KIAA0408: variants seen among roughly 807,000 people sequenced by gnomAD.
The protein encoded by KIAA0408 is uncharacterized protein KIAA0408.
A neutral mutation model predicts 60.9 loss-of-function variants in KIAA0408; 51 were observed. The ratio of observed to expected loss-of-function variants is 0.84; its 90% CI spans 0.67 to 1.06. KIAA0408 has a LOEUF of 1.06. Among genes scored for constraint, KIAA0408 ranks in the 50% least tolerant of loss-of-function variants. The pLI, the probability that KIAA0408 is intolerant of heterozygous loss-of-function variation, is 0.00. For missense variants in KIAA0408, 787 were observed against 833.9 expected (o/e 0.94, Z 0.69); for synonymous variants, 304 against 282.4 (o/e 1.08, Z -0.77).
At chr6:127,454,257 A>G (rs1266748251) in intron 1 of KIAA0408, 156 bp from the exon 2 acceptor site, 2 of 651,862 alleles carry the variant, frequency 3.1e-6, no homozygotes, top group East Asian at 6.3e-5. Flanking sequence ...AGAAACTAAC[A>G]CAGTCAATAA....
chr6:127,448,583 C>T (rs1402094672), intron 4 of KIAA0408, among the ~76,000 whole-genome samples: 1 of 143,480 alleles, frequency 7.0e-6, no homozygotes, highest in Non-Finnish European at 1.6e-5. Context: ...CTAAATATCG[C>T]AATTCAAACT....
At position 127,442,657 on chromosome 6, in the gene KIAA0408, G is replaced by A. The variant is rs1773124412; in HGVS notation, c.*1452C>T. 1 of 152,086 alleles carries A rather than the reference G, an allele frequency of 6.6e-6. No homozygotes were observed. The highest frequency in any genetic ancestry group is 1.9e-4 in the East Asian group (1 of 5,194). The allele number at this position is 152,086 out of a possible 1,614,324, so 9.4% of individuals were successfully genotyped here. On this transcript the variant is annotated 3_prime_UTR_variant, in exon 6 of 6. Coordinates refer to ENST00000483725, the MANE Select transcript of KIAA0408 (RefSeq NM_014702.5). ...TTTGAAAATTATTTTCTTTACCTCAGGTCATGGGGTACAATGAAGTGAATT... is the reference window on the plus strand; with the variant it reads ...TTTGAAAATTATTTTCTTTACCTCAAGTCATGGGGTACAATGAAGTGAATT...
At position 127,447,623 on chromosome 6, in the gene KIAA0408, C is replaced by G. The variant is rs1040819964; in HGVS notation, c.696G>C (p.Gln232His). The change falls in exon 5 of 6, where the codon CAG (glutamine) becomes CAC (histidine). Residue 232 changes from glutamine (Q) to histidine (H), a missense_variant. By Grantham distance (24) the Gln-to-His change is conservative. Around this residue, in one of 3 missense-constraint regions of KIAA0408, gnomAD observed 640 missense variants for 681.3 expected, o/e 0.94. Transcript: ENST00000483725. Reference sequence around the variant, plus strand: ...TACAGCTCAGATTCTTCCTGTTTTTCTGTTTTTCTTTTTCTAAACTGATTG... The same window carrying G: ...TACAGCTCAGATTCTTCCTGTTTTTGTGTTTTTCTTTTTCTAAACTGATTG... ...ILPISLEKEK[Q>H]KNRKNLSCTN... The G allele has an allele frequency of 1.9e-6, 3 of 1,612,530 alleles. No individual in the cohort carries two copies. The highest frequency in any genetic ancestry group is 1.7e-6 in the Non-Finnish European group (2 of 1,179,602).
Position 127,439,983 on chromosome 6 carries a change from G to A in KIAA0408, c.*4126C>T, listed in dbSNP as rs986395509. The A allele has an allele frequency of 6.6e-6, 1 of 152,252 alleles. No individual in the cohort carries two copies. The highest frequency in any genetic ancestry group is 2.1e-4 in the South Asian group (1 of 4,824). The allele number at this position is 152,252 out of a possible 1,614,324, so 9.4% of individuals were successfully genotyped here. ...TCCCACCTCTAAATGAACTTGTTCTGAGTTCATAGGTCCCTCAAAATCTAA... is the reference window on the plus strand; with the variant it reads ...TCCCACCTCTAAATGAACTTGTTCTAAGTTCATAGGTCCCTCAAAATCTAA... On this transcript the variant is annotated 3_prime_UTR_variant, in exon 6 of 6. Transcript: ENST00000483725.
chr6:127,452,839 A>G (rs1394631738), intron 2 of KIAA0408, among the ~76,000 whole-genome samples: 1 of 152,070 alleles, frequency 6.6e-6, no homozygotes, highest in African/African-American at 2.4e-5. Flanking sequence ...TCTAAACTAT[A>G]GAGGGACAAG....
intron 4 of KIAA0408, among the ~76,000 whole-genome samples, chr6:127,449,271 C>T (rs1044140839): frequency 2.0e-5 from 3 of 152,066 alleles, no homozygotes; most frequent in African/African-American, 4.8e-5. Context: ...CTTAATTAGA[C>T]ACGAAAAAGA....
At chr6:127,445,120 T>C (rs964365558) in intron 5 of KIAA0408, among the ~76,000 whole-genome samples, 1 of 152,208 alleles carries the variant, frequency 6.6e-6, no homozygotes, top group Non-Finnish European at 1.5e-5. Context: ...TTAGCCATGG[T>C]CTGACAGTAA....
rs1773123448 is a variant in KIAA0408, at chr6:127,442,578, A to ATGGCTTTAAC, written c.*1530_*1531insGTTAAAGCCA. On this transcript the variant is annotated 3_prime_UTR_variant, in exon 6 of 6. Coordinates refer to ENST00000483725, the MANE Select transcript of KIAA0408 (RefSeq NM_014702.5). Reference sequence around the variant, plus strand: ...ACCGAAACTGTCCTTACAGTAAAGTATGAATCTAGACATCACCATGCTACA... The same window carrying ATGGCTTTAAC: ...ACCGAAACTGTCCTTACAGTAAAGTATGGCTTTAACTGAATCTAGACATCACCATGCTACA... The ATGGCTTTAAC allele has an allele frequency of 2.6e-5, 4 of 152,228 alleles. No homozygotes were observed. The East Asian group carries it at 7.7e-4, about 29-fold the overall frequency. The allele number at this position is 152,228 out of a possible 1,614,324, so 9.4% of individuals were successfully genotyped here.
chr6:127,451,677 G>T (rs1237108968), intron 2 of KIAA0408, among the ~76,000 whole-genome samples: 1 of 152,084 alleles, frequency 6.6e-6, no homozygotes, highest in Non-Finnish European at 1.5e-5. Flanking sequence ...GATAATTTTT[G>T]TTAGTTACTA....
In KIAA0408 at chr6:127,444,140, A is replaced by G. The variant is rs750975454; in HGVS notation, c.2054T>C (p.Ile685Thr). 2 of 1,614,030 alleles carry G rather than the reference A, an allele frequency of 1.2e-6. No individual in the cohort carries two copies. Among genetic ancestry groups the G allele is most frequent in the Non-Finnish European group, 1.7e-6 (2 of 1,179,966 alleles). ...ALRRTTHNYTISLRSEALMV is the reference protein window; with the variant it reads ...ALRRTTHNYTTSLRSEALMV ...CATCAATGCTTCGGATCGCAGAGAA[A>G]TGGTATAGTTGTGGGTAGTTCTCCG... The change falls in exon 6 of 6, where the codon ATT becomes ACT. Residue 685 changes from isoleucine to threonine, a missense_variant. Ile to Thr is a moderately conservative substitution (Grantham distance 89). This residue lies in a region of KIAA0408 where 133 missense variants were observed against 119.2 expected (regional missense o/e 1.12). Coordinates refer to ENST00000483725, the MANE Select transcript of KIAA0408 (RefSeq NM_014702.5).
In KIAA0408 at chr6:127,446,635, C is replaced by T; in HGVS notation, c.1684G>A (p.Val562Ile). 2.5e-6 allele frequency: 4 copies of T among 1,614,116 alleles called. No individual in the cohort carries two copies. Among genetic ancestry groups the T allele is most frequent in the Non-Finnish European group, 3.4e-6 (4 of 1,180,024 alleles). The change falls in exon 5 of 6, where the codon GTT becomes ATT. Residue 562 changes from valine to isoleucine, a missense_variant. Coordinates refer to ENST00000483725, the MANE Select transcript of KIAA0408 (RefSeq NM_014702.5). ...TAGGTTTTCAGCAGCTTTTCCACAA[C>T]ACCATAATTTGACCTGGGATCAGCT... ...RSADPRSNYG[V>I]VEKLLKTYET...
Position 127,446,419 on chromosome 6 carries a change from T to C in KIAA0408, c.1900A>G (p.Lys634Glu), listed in dbSNP as rs748171620. The C allele has an allele frequency of 6.2e-7, 1 of 1,605,790 alleles. No individual in the cohort carries two copies. Among genetic ancestry groups the C allele is most frequent in the Non-Finnish European group, 8.5e-7 (1 of 1,173,548 alleles). ...ATTTGCTTTCTCACCTCTGTTATCT[T>C]TTTCGGATCTATTCCTTGCTTCACT... ...QEVKQGIDPKKITEESMSVNA... is the reference protein window; with the variant it reads ...QEVKQGIDPKEITEESMSVNA... The change falls in exon 5 of 6, where the codon AAG becomes GAG. Residue 634 changes from lysine to glutamate, a missense_variant. This residue lies in a region of KIAA0408 where 133 missense variants were observed against 119.2 expected (regional missense o/e 1.12). Coordinates refer to ENST00000483725, the MANE Select transcript of KIAA0408 (RefSeq NM_014702.5).
chr6:127,446,961 T>C lies in KIAA0408; in HGVS notation c.1358A>G (p.Asp453Gly). ...DEFNRTVFRTDRNCQAIQQNH... is the reference protein window; with the variant it reads ...DEFNRTVFRTGRNCQAIQQNH... ...TTGCTGTATTGCCTGACAATTTCTATCTGTTCTAAATACAGTTCTGTTAAA... is the reference window on the plus strand; with the variant it reads ...TTGCTGTATTGCCTGACAATTTCTACCTGTTCTAAATACAGTTCTGTTAAA... The change falls in exon 5 of 6, where the codon GAT becomes GGT. Residue 453 changes from aspartate to glycine, a missense_variant. Around this residue, in one of 3 missense-constraint regions of KIAA0408, gnomAD observed 640 missense variants for 681.3 expected, o/e 0.94. Coordinates refer to ENST00000483725, the MANE Select transcript of KIAA0408 (RefSeq NM_014702.5). The C allele has an allele frequency of 6.2e-7, 1 of 1,614,106 alleles. No homozygotes were observed. Among genetic ancestry groups the C allele is most frequent in the South Asian group, 1.1e-5 (1 of 91,088 alleles).
chr6:127,456,363 C>T (rs1035733994), intron 1 of KIAA0408, among the ~76,000 whole-genome samples: 4 of 152,104 alleles, frequency 2.6e-5, no homozygotes, highest in Non-Finnish European at 5.9e-5. Context: ...CTTCTTGAAT[C>T]GCTTCCATGC....
intron 1 of KIAA0408, among the ~76,000 whole-genome samples, chr6:127,458,083 A>G (rs1449343226): frequency 6.6e-6 from 1 of 152,210 alleles, no homozygotes; most frequent in African/African-American, 2.4e-5. Flanking sequence ...AGGTACTGCT[A>G]ATCTCACAAT....
intron 1 of KIAA0408, among the ~76,000 whole-genome samples, chr6:127,457,862 C>T (rs562346900): frequency 6.6e-6 from 1 of 152,282 alleles, no homozygotes; most frequent in Non-Finnish European, 1.5e-5. Context: ...CTCCAACTCG[C>T]CCATTGAAAA....
chr6:127,450,709 GATGCAAGA>G (rs2114798919), intron 2 of KIAA0408: 1 of 176,932 alleles, frequency 5.7e-6, no homozygotes, highest in African/African-American at 2.4e-5. Flanking sequence ...CTTTCAGAGA[GATGCAAGA>G]ATTTAACATT....
intron 2 of KIAA0408, among the ~76,000 whole-genome samples, chr6:127,452,103 C>T (rs1234254062): frequency 3.3e-5 from 5 of 152,126 alleles, no homozygotes; most frequent in African/African-American, 4.8e-5. Context: ...CAGGGAACTA[C>T]GAGCATCTTA....
At position 127,446,762 on chromosome 6, in the gene KIAA0408, G is replaced by T; in HGVS notation, c.1557C>A (p.Gly519=). The change falls in exon 5 of 6, where the codon GGC becomes GGA. Residue 519 remains glycine, a synonymous_variant. Transcript: ENST00000483725. The part of the protein sequence containing the change: ...PDNPTKKSTT[G]LVRQMQGHLS... ...GGTGTCCCTGCATTTGTCTTACTAG[G>T]CCTGTTGTGGATTTCTTGGTGGGAT... is the stretch of plus-strand genomic sequence containing the variant. 1 of 1,613,936 alleles carries T rather than the reference G, an allele frequency of 6.2e-7. No homozygotes were observed. Among genetic ancestry groups the T allele is most frequent in the Middle Eastern group, 1.7e-4 (1 of 6,058 alleles).
Sources: gnomAD v4.1 joint callset for allele counts (sites outside exome capture counted in the v4.1 genomes callset) on GRCh38, gnomAD v4.1.1 for gene constraint, gnomAD v4.1.1 regional missense constraint, MANE v1.5 for transcripts, NCBI Gene and HGNC (gene_info 2026-07-23, HGNC 2026-07-21) for gene names.